KIF17: variants seen among roughly 807,000 people sequenced by gnomAD.
KIF17 encodes kinesin family member 17.
Under a neutral mutation model 96.8 loss-of-function variants are expected in KIF17, and 80 were observed. The ratio of observed to expected loss-of-function variants is 0.83; its 90% confidence interval spans 0.69 to 1.00. The LOEUF is 1.00. Among genes scored for constraint, KIF17 ranks in the 50% least tolerant of loss-of-function variants. The pLI, the probability that KIF17 is intolerant of heterozygous loss-of-function variation, is 0.00. For synonymous variants in KIF17, 567 were observed against 587.5 expected (o/e 0.97, Z 0.51); for missense variants, 1,280 against 1,372.9 (o/e 0.93, Z 1.07).
At chr1:20,679,077 T>G (rs2154535512) in intron 11 of KIF17, among the ~76,000 whole-genome samples, 1 of 151,018 alleles carries the variant, frequency 6.6e-6, no homozygotes, top group South Asian at 2.1e-4. Flanking sequence ...TTTGGGAGGC[T>G]GAGGCCGGCA....
chr1:20,710,741 C>T (rs953739008), intron 3 of KIF17, among the ~76,000 whole-genome samples: 1 of 152,034 alleles, frequency 6.6e-6, no homozygotes, highest in Admixed American at 6.6e-5. Flanking sequence ...GGGGTCGGGG[C>T]GAGGCACAGC....
In KIF17 at chr1:20,682,780, T is replaced by C; in HGVS notation, c.2336A>G (p.Lys779Arg). 6.2e-7 allele frequency: 1 copy of C among 1,612,984 alleles called. No homozygotes were observed. Among genetic ancestry groups the C allele is most frequent in the Non-Finnish European group, 8.5e-7 (1 of 1,180,046 alleles). ...RRKRYADERR[K>R]QLVAALQNSD... Reference sequence around the variant, plus strand: ...GTTCTGCAGGGCAGCCACCAGCTGCTTCCTGCGCTCGTCTGCGTAGCGCTT... The same window carrying C: ...GTTCTGCAGGGCAGCCACCAGCTGCCTCCTGCGCTCGTCTGCGTAGCGCTT... The change falls in exon 11 of 15, where the codon AAG becomes AGG. Residue 779 changes from lysine (K) to arginine (R), a missense_variant. Transcript: ENST00000400463.
At chr1:20,682,971 G>A in intron 10 of KIF17, 87 bp from the exon 11 acceptor site, 1 of 1,186,964 alleles carries the variant, frequency 8.4e-7, no homozygotes, top group Non-Finnish European at 1.2e-6. Context: ...CTATGCGTGG[G>A]CCCCCCAGAT....
At chr1:20,712,906 T>A (rs1486555655) in intron 3 of KIF17, among the ~76,000 whole-genome samples, 5 of 104,092 alleles carry the variant, frequency 4.8e-5, no homozygotes, top group African/African-American at 1.9e-4. Flanking sequence ...ATTATCTATA[T>A]TATATATATA....
At chr1:20,686,417 C>A (rs2053939404) in intron 8 of KIF17, 2 of 522,980 alleles carry the variant, frequency 3.8e-6, no homozygotes, top group Non-Finnish European at 6.9e-6. Flanking sequence ...GGAAACCCAG[C>A]CCAGAAAGGT....
chr1:20,704,668 C>A lies in KIF17; in HGVS notation c.902G>T (p.Gly301Val). 1 of 1,614,106 alleles carries A rather than the reference C, an allele frequency of 6.2e-7. No individual in the cohort carries two copies. The highest frequency in any genetic ancestry group is 8.5e-7 in the Non-Finnish European group (1 of 1,179,988). The change falls in exon 5 of 15, where the codon GGC (glycine) becomes GTC (valine). Residue 301 changes from glycine to valine, a missense_variant. By Grantham distance (109) the Gly-to-Val change is moderately radical. Coordinates refer to ENST00000400463, the MANE Select transcript of KIF17 (RefSeq NM_001122819.3). The surrounding 1 kb of genome is among the most constrained non-coding windows in gnomAD (Gnocchi z 6.8). ...CACCATGAGCGTCTTGGTGTTGCCG[C>A]CCAGTGAGTCCTGCAGCAGCCGCGT... Reference protein sequence around the residue: ...KLTRLLQDSLGGNTKTLMVAC... With the variant: ...KLTRLLQDSLVGNTKTLMVAC...
intron 13 of KIF17, 32 bp downstream of exon 13, chr1:20,670,389 C>A (rs373929700): frequency 6.2e-7 from 1 of 1,606,966 alleles, no homozygotes; most frequent in African/African-American, 1.3e-5. Context: ...TCCCAGCCCC[C>A]GACACCCCAC....
intron 11 of KIF17, among the ~76,000 whole-genome samples, chr1:20,680,623 G>T (rs771094955): frequency 6.6e-6 from 1 of 151,950 alleles, no homozygotes; most frequent in Non-Finnish European, 1.5e-5. Flanking sequence ...TGAATAAAAC[G>T]TTCTTAAACA....
intron 4 of KIF17, among the ~76,000 whole-genome samples, chr1:20,705,552 G>A (rs1198679390): frequency 2.0e-5 from 3 of 152,188 alleles, no homozygotes; most frequent in Non-Finnish European, 4.4e-5. Context: ...GTGCCGGCGC[G>A]CAGAACTGTG....
chr1:20,668,553 G>C (rs2053575224), intron 13 of KIF17, among the ~76,000 whole-genome samples: 1 of 152,160 alleles, frequency 6.6e-6, no homozygotes, highest in Non-Finnish European at 1.5e-5. Context: ...TGCCAATCAA[G>C]CTCTAGACCA....
In KIF17 at chr1:20,717,860, GGGGCGCCCCGGA is replaced by G; in HGVS notation, c.-166_-155del. ...GCGGCGGGGGGCGGGGACCCCTCGG[GGGGCGCCCCGGA>G]GGGGAGCTGGGCGTCGCAGGACCCG... On this transcript the variant is annotated 5_prime_UTR_variant, in exon 1 of 15. Transcript: ENST00000400463. 2.4e-6 allele frequency: 1 copy of G among 423,064 alleles called. No homozygotes were observed. The highest frequency in any genetic ancestry group is 2.8e-6 in the Non-Finnish European group (1 of 352,664). The allele number at this position is 423,064 out of a possible 1,614,324, so 26.2% of individuals were successfully genotyped here.
chr1:20,713,670 A>T, intron 2 of KIF17, 115 bp from the exon 3 acceptor site: 2 of 780,948 alleles, frequency 2.6e-6, no homozygotes, highest in Non-Finnish European at 4.4e-6. Flanking sequence ...AGGAGAAGGG[A>T]CATCGGGGCA....
intron 2 of KIF17, among the ~76,000 whole-genome samples, 192 bp from the exon 3 acceptor site, chr1:20,713,747 G>A (rs2054524609): frequency 6.6e-6 from 1 of 152,054 alleles, no homozygotes; most frequent in South Asian, 2.1e-4. Flanking sequence ...CTCCAGCTTG[G>A]TGGGCGCTCA....
intron 1 of KIF17, 148 bp from the exon 2 acceptor site, chr1:20,715,787 C>A (rs1253320411): frequency 3.1e-6 from 3 of 961,438 alleles, no homozygotes; most frequent in Non-Finnish European, 4.8e-6. Flanking sequence ...AGGCGCAGCT[C>A]TGTCCTCAAG....
At chr1:20,680,559 AGAGTGAGACTCT>A (rs2154535583) in intron 11 of KIF17, among the ~76,000 whole-genome samples, 2 of 152,332 alleles carry the variant, frequency 1.3e-5, no homozygotes, top group African/African-American at 4.8e-5. Context: ...CCTGGGTGAC[AGAGTGAGACTCT>A]TAAAAATAAG....
chr1:20,694,729 T>A (rs543234788), intron 6 of KIF17, among the ~76,000 whole-genome samples: 5 of 152,320 alleles, frequency 3.3e-5, no homozygotes, highest in Admixed American at 3.3e-4. Flanking sequence ...CATTTTTAGA[T>A]ACACTTGAAC....
intron 1 of KIF17, 55 bp from the exon 2 acceptor site, chr1:20,715,694 C>A: frequency 6.2e-7 from 1 of 1,605,832 alleles, no homozygotes; most frequent in African/African-American, 1.4e-5. Context: ...CAGCAGGGCT[C>A]GGGACAGGGC....
chr1:20,686,119 G>T lies in KIF17; in HGVS notation c.1946C>A (p.Ala649Glu). The change falls in exon 9 of 15, where the codon GCG (alanine) becomes GAG (glutamate). Residue 649 changes from alanine to glutamate, a missense_variant. Coordinates refer to ENST00000400463, the MANE Select transcript of KIF17 (RefSeq NM_001122819.3). ...ACTGGGCTCCAGCAGGTCTGTCGGC[G>T]CAGGGACCTGGGAGGAAAGAGGGGA... ...DVPKVPVQVPAPTDLLEPSDA... is the reference protein window; with the variant it reads ...DVPKVPVQVPEPTDLLEPSDA... 1.9e-6 allele frequency: 3 copies of T among 1,566,454 alleles called. No homozygotes were observed. Among genetic ancestry groups the T allele is most frequent in the Non-Finnish European group, 2.6e-6 (3 of 1,155,238 alleles).
At chr1:20,708,011 C>T (rs900814963) in intron 4 of KIF17, among the ~76,000 whole-genome samples, 5 of 151,868 alleles carry the variant, frequency 3.3e-5, no homozygotes, top group African/African-American at 1.2e-4. Context: ...ACCATCATCA[C>T]TGAGCTCACA....
Sources: gnomAD v4.1 joint callset for allele counts (sites outside exome capture counted in the v4.1 genomes callset) on GRCh38, gnomAD v4.1.1 for gene constraint, Gnocchi (gnomAD v3.1) non-coding constraint, MANE v1.5 for transcripts, NCBI Gene and HGNC (gene_info 2026-07-23, HGNC 2026-07-21) for gene names.